Variants in WNT2B observed in about 807,000 individuals in gnomAD.
WNT2B encodes the protein protein Wnt-2b.
WNT2B carries 19 observed loss-of-function variants against 40.5 expected under a neutral mutation model. The observed-to-expected ratio is 0.47, with a 90% CI of 0.33 to 0.69. The LOEUF (loss-of-function observed/expected upper bound fraction) is 0.69, where lower values mean the gene tolerates loss of function less well. Ranked by LOEUF, WNT2B falls within the 30% of genes least tolerant of loss-of-function variation. The probability of loss-of-function intolerance (pLI) is 0.02; values close to 1 mark genes in which losing one functional copy is unlikely to be tolerated. For synonymous variants in WNT2B, 220 were observed against 211.9 expected (o/e 1.04, Z -0.33); for missense variants, 467 against 556.4 (o/e 0.84, Z 1.62).
chr1:112,509,526 G>C lies in WNT2B; in HGVS notation c.182+82G>C. On this transcript the variant is annotated intron_variant, in intron 1 of 4. Transcript: ENST00000369684. This position sits in a 1 kb window ranked among gnomAD's most constrained non-coding sequence, Gnocchi z 4.2. ...GCCTGGAGGGACTGGCTGCTCACGGGACCAGGCTGTTGCTTCGACGGGTTG... is the reference window on the plus strand; with the variant it reads ...GCCTGGAGGGACTGGCTGCTCACGGCACCAGGCTGTTGCTTCGACGGGTTG... 6.9e-7 allele frequency: 1 copy of C among 1,442,434 alleles called. No homozygotes were observed. Among genetic ancestry groups the C allele is most frequent in the Non-Finnish European group, 9.1e-7 (1 of 1,099,136 alleles). 89.4% of individuals were successfully genotyped at this position (1,442,434 alleles called of 1,614,324 possible).
At chr1:112,516,037 G>C in intron 2 of WNT2B, 103 bp from the exon 3 acceptor site, 1 of 1,471,014 alleles carries the variant, frequency 6.8e-7, no homozygotes, top group Non-Finnish European at 9.2e-7. Flanking sequence ...CTCTGGGAAA[G>C]AAAATTAGGG....
chr1:112,517,433 A>G (rs964684427), intron 4 of WNT2B, 48 bp downstream of exon 4: 1 of 1,561,464 alleles, frequency 6.4e-7, no homozygotes, highest in Non-Finnish European at 8.7e-7. Flanking sequence ...TTCTTAGTGC[A>G]GGCACCCCTG....
chr1:112,475,539 A>G (rs1570761568), intron 1 of WNT2B, among the ~76,000 whole-genome samples: 1 of 152,218 alleles, frequency 6.6e-6, no homozygotes, highest in East Asian at 1.9e-4. Flanking sequence ...AAAATGTATG[A>G]CAATGATAGC....
At chr1:112,486,246 C>A (rs1173984436) in intron 1 of WNT2B, among the ~76,000 whole-genome samples, 2 of 151,958 alleles carry the variant, frequency 1.3e-5, no homozygotes, top group African/African-American at 2.4e-5. Flanking sequence ...AGTTTGAGGC[C>A]AGCCTGGGCA....
chr1:112,491,066 A>T (rs530977981), intron 1 of WNT2B: 1 of 1,614,100 alleles, frequency 6.2e-7, no homozygotes, highest in African/African-American at 1.3e-5. Context: ...TCAGCGTTCA[A>T]CAAGTGTTTG....
At chr1:112,490,892 A>T (rs1373450233) in intron 1 of WNT2B, 20 of 983,706 alleles carry the variant, frequency 2.0e-5, no homozygotes, top group Non-Finnish European at 3.1e-5. Flanking sequence ...TTCCGGAAAG[A>T]TCCCCCCTGG....
At chr1:112,510,358 G>A (rs563360622) in intron 1 of WNT2B, among the ~76,000 whole-genome samples, 167 of 152,324 alleles carry the variant, frequency 1.1e-3, no homozygotes, top group African/African-American at 3.8e-3. Flanking sequence ...GCAAAGCAGG[G>A]AGAGTTGAAC....
intron 1 of WNT2B, among the ~76,000 whole-genome samples, chr1:112,500,200 T>C (rs12037987): frequency 0.089 from 13,537 of 152,184 alleles, 914 homozygotes; most frequent in East Asian, 0.31. Context: ...CCTCGTTCTG[T>C]CATGAATGTA....
chr1:112,526,307 A>C lies in WNT2B; in HGVS notation c.*5798A>C. On this transcript the variant is annotated 3_prime_UTR_variant, in exon 5 of 5. Coordinates refer to ENST00000369684, the MANE Select transcript of WNT2B (RefSeq NM_024494.3). Reference sequence around the variant, plus strand: ...CACTATACAACATATTCCACATTTAAACAACTCTGGCTCCTAATTCTACTC... The same window carrying C: ...CACTATACAACATATTCCACATTTACACAACTCTGGCTCCTAATTCTACTC... 3.6e-6 allele frequency: 2 copies of C among 552,642 alleles called. No homozygotes were observed. The allele number at this position is 552,642 out of a possible 1,614,324, so 34.2% of individuals were successfully genotyped here.
At chr1:112,506,325 C>A (rs940777813), upstream of WNT2B, among the ~76,000 whole-genome samples, 3 of 152,202 alleles carry the variant, frequency 2.0e-5, no homozygotes, top group Non-Finnish European at 2.9e-5. Flanking sequence ...AATACTTGAG[C>A]ATCTGTGTTG....
intron 1 of WNT2B, among the ~76,000 whole-genome samples, chr1:112,485,497 C>T (rs780826827): frequency 3.8e-4 from 58 of 150,988 alleles, no homozygotes; most frequent in African/African-American, 9.3e-4. Context: ...ATGAAGACTA[C>T]GTTTTATTGG....
intron 1 of WNT2B, among the ~76,000 whole-genome samples, chr1:112,488,553 G>GT (rs561016335): frequency 0.053 from 7,059 of 133,828 alleles, 245 homozygotes; most frequent in Middle Eastern, 0.089. Flanking sequence ...TTTACTTACT[G>GT]TTTTTTTTTT....
At chr1:112,488,625 C>A (rs1378683078) in intron 1 of WNT2B, among the ~76,000 whole-genome samples, 1 of 150,786 alleles carries the variant, frequency 6.6e-6, no homozygotes, top group African/African-American at 2.4e-5. Context: ...GATCCTGGCT[C>A]ACTGCAAGCT....
rs116497043 is a variant in WNT2B at position 112,528,116 on chromosome 1, A to C, written c.*7607A>C. The C allele has an allele frequency of 2.0e-5, 3 of 152,354 alleles. No individual in the cohort carries two copies. Among genetic ancestry groups the C allele is most frequent in the African/African-American group, 7.2e-5 (3 of 41,592 alleles). 9.4% of individuals were successfully genotyped at this position (152,354 alleles called of 1,614,324 possible). On this transcript the variant is annotated 3_prime_UTR_variant, in exon 5 of 5. Transcript: ENST00000369684. ...AGGAATTAGGTTAATGAGATTAAGC[A>C]GAGATGGCATTCCACAGGAGGTGAC...
In WNT2B at chr1:112,520,385, G is replaced by A. The variant is rs144189370; in HGVS notation, c.1052G>A (p.Arg351His). 14 of 1,614,122 alleles carry A rather than the reference G, an allele frequency of 8.7e-6. No homozygotes were observed. Among genetic ancestry groups the A allele is most frequent in the South Asian group, 6.6e-5 (6 of 91,072 alleles). Residue 351 changes from arginine to histidine, a missense_variant, in exon 5 of 5, where the codon CGT becomes CAT. Arg to His is a conservative substitution (Grantham distance 29). Around this residue, in one of 2 missense-constraint regions of WNT2B, gnomAD observed 330 missense variants for 438.6 expected, o/e 0.75. Coordinates refer to ENST00000369684, the MANE Select transcript of WNT2B (RefSeq NM_024494.3). Reference sequence around the variant, plus strand: ...GGGTACGACACAACTCGAGTCACCCGTGTTACCCAGTGTGAGTGCAAATTC... The same window carrying A: ...GGGTACGACACAACTCGAGTCACCCATGTTACCCAGTGTGAGTGCAAATTC... ...GRGYDTTRVT[R>H]VTQCECKFHW...
At chr1:112,479,902 C>T (rs562090358) in intron 1 of WNT2B, among the ~76,000 whole-genome samples, 14 of 151,726 alleles carry the variant, frequency 9.2e-5, no homozygotes, top group Non-Finnish European at 2.1e-4. Context: ...TTAGTAGAGA[C>T]GGGGTTTCAC....
At chr1:112,479,686 A>G (rs1651162886) in intron 1 of WNT2B, among the ~76,000 whole-genome samples, 1 of 152,170 alleles carries the variant, frequency 6.6e-6, no homozygotes, top group Admixed American at 6.5e-5. Flanking sequence ...GTGTTTTTGT[A>G]AGCAATTGAA....
chr1:112,502,353 G>A (rs1198711505), intron 1 of WNT2B, among the ~76,000 whole-genome samples: 1 of 152,214 alleles, frequency 6.6e-6, no homozygotes, highest in Non-Finnish European at 1.5e-5. Flanking sequence ...CCCCTCTCTG[G>A]CCCGGAGGGC....
chr1:112,481,701 A>G (rs1212852648), intron 1 of WNT2B, among the ~76,000 whole-genome samples: 1 of 152,194 alleles, frequency 6.6e-6, no homozygotes, highest in Non-Finnish European at 1.5e-5. Flanking sequence ...TTTGCAGGGT[A>G]CAAAAATCAA....
Sources: gnomAD v4.1 joint callset for allele counts (sites outside exome capture counted in the v4.1 genomes callset) on GRCh38, gnomAD v4.1.1 for gene constraint, gnomAD v4.1.1 regional missense constraint, Gnocchi (gnomAD v3.1) non-coding constraint, MANE v1.5 for transcripts, NCBI Gene and HGNC (gene_info 2026-07-23, HGNC 2026-07-21) for gene names.